Variants in CD163L1 observed in about 807,000 individuals in gnomAD.
CD163L1 encodes CD163 molecule like 1.
In CD163L1, 124 loss-of-function variants were observed where a neutral mutation model predicts 165.4. The ratio of observed to expected loss-of-function variants is 0.75; its 90% CI spans 0.65 to 0.87. The LOEUF is 0.87. CD163L1 is among the 40% of genes least tolerant of loss of function. CD163L1 has a pLI of 0.00. For missense variants in CD163L1, 1,525 were observed against 1,799.9 expected, an observed-to-expected ratio of 0.85 and a Z score of 2.76; for synonymous variants, 585 against 662.2, an observed-to-expected ratio of 0.88 and a Z score of 1.79.
downstream of CD163L1, among the ~76,000 whole-genome samples, chr12:7,345,390 C>G (rs749186130): frequency 1.5e-4 from 23 of 152,254 alleles, no homozygotes; most frequent in African/African-American, 5.3e-4. Context: ...CAGCCAAGCT[C>G]TTTGCTAAGG....
rs374448838 is a variant in CD163L1 at position 7,374,637 on chromosome 12, C to A, written c.3214G>T (p.Val1072Leu). The A allele has an allele frequency of 6.2e-7, 1 of 1,614,222 alleles. No individual in the cohort carries two copies. Among genetic ancestry groups the A allele is most frequent in the South Asian group, 1.1e-5 (1 of 91,086 alleles). Reference protein sequence around the residue: ...DDGWDLSDAHVVCQKLGCGVA... With the variant: ...DDGWDLSDAHLVCQKLGCGVA... ...CCACAGCCCAGCTTTTGACACACCA[C>A]GTGGGCATCGCTCAGGTCCCAGCCG... is the stretch of plus-strand genomic sequence containing the variant. The change falls in exon 13 of 20, where the codon GTG becomes TTG. Residue 1072 changes from valine to leucine, a missense_variant. Val to Leu is a conservative substitution (Grantham distance 32). Transcript: ENST00000313599. This position sits in a 1 kb window ranked among gnomAD's most constrained non-coding sequence, Gnocchi z 5.4.
chr12:7,401,738 C>G (rs1482530473), intron 6 of CD163L1, among the ~76,000 whole-genome samples: 1 of 151,852 alleles, frequency 6.6e-6, no homozygotes, highest in Non-Finnish European at 1.5e-5. Context: ...TACACACACA[C>G]AATCCAGAAA....
At chr12:7,363,593 A>C (rs1170501323) in intron 18 of CD163L1, among the ~76,000 whole-genome samples, 2 of 151,958 alleles carry the variant, frequency 1.3e-5, no homozygotes, top group African/African-American at 4.8e-5. Context: ...AAAGGTAGAC[A>C]TAACAATTGA....
chr12:7,361,458 G>A (rs779829796), intron 18 of CD163L1, among the ~76,000 whole-genome samples: 2 of 152,148 alleles, frequency 1.3e-5, no homozygotes, highest in Admixed American at 6.5e-5. Flanking sequence ...CATAACAGGG[G>A]TCATTCTTTC....
At position 7,374,637 on chromosome 12, in the gene CD163L1, C is replaced by T. The variant is rs374448838; in HGVS notation, c.3214G>A (p.Val1072Met). The T allele has an allele frequency of 1.2e-5, 20 of 1,614,104 alleles. No homozygotes were observed. Among genetic ancestry groups the T allele is most frequent in the Middle Eastern group, 1.6e-4 (1 of 6,084 alleles). Residue 1072 changes from valine (V) to methionine (M), a missense_variant, in exon 13 of 20, where the codon GTG (valine) becomes ATG (methionine). By Grantham distance (21) the Val-to-Met change is conservative. Transcript: ENST00000313599. This position sits in a 1 kb window ranked among gnomAD's most constrained non-coding sequence, Gnocchi z 5.4. The part of the protein sequence containing the change: ...DDGWDLSDAH[V>M]VCQKLGCGVA... ...CCACAGCCCAGCTTTTGACACACCA[C>T]GTGGGCATCGCTCAGGTCCCAGCCG...
chr12:7,319,476 A>C, the CD163L1 span, among the ~76,000 whole-genome samples: 1 of 151,850 alleles, frequency 6.6e-6, no homozygotes, highest in African/African-American at 2.4e-5. Context: ...CTGTAATCCC[A>C]GCTACTTGGG....
At chr12:7,390,561 A>G (rs1261434572) in intron 8 of CD163L1, among the ~76,000 whole-genome samples, 3 of 152,196 alleles carry the variant, frequency 2.0e-5, no homozygotes, top group African/African-American at 4.8e-5. Flanking sequence ...AACAACAGGT[A>G]AAATTCAAAT....
intron 18 of CD163L1, among the ~76,000 whole-genome samples, chr12:7,363,142 T>C (rs1946941583): frequency 6.6e-6 from 1 of 151,854 alleles, no homozygotes; most frequent in Non-Finnish European, 1.5e-5. Flanking sequence ...CCATGTCTAC[T>C]AAAAATACAA....
At position 7,372,059 on chromosome 12, in the gene CD163L1, A is replaced by C. The variant is rs1193273013; in HGVS notation, c.3730+1261T>G. On this transcript the variant is annotated intron_variant, in intron 14 of 19. Transcript: ENST00000313599. The surrounding 1 kb of genome is among the most constrained non-coding windows in gnomAD (Gnocchi z 4.2). Reference sequence around the variant, plus strand: ...GTGATACAATTACAATAGTAAAAAGAAGCAAAATGCTTAAAAATATGAACC... The same window carrying C: ...GTGATACAATTACAATAGTAAAAAGCAGCAAAATGCTTAAAAATATGAACC... Among the ~76,000 whole-genome samples, 1 of 150,586 alleles carries C rather than the reference A, an allele frequency of 6.6e-6. No homozygotes were observed. Among genetic ancestry groups the C allele is most frequent in the Non-Finnish European group, 1.5e-5 (1 of 67,930 alleles).
At chr12:7,357,131 G>A (rs767310669) in intron 19 of CD163L1, among the ~76,000 whole-genome samples, 1 of 152,192 alleles carries the variant, frequency 6.6e-6, no homozygotes, top group Non-Finnish European at 1.5e-5. Flanking sequence ...CTTCCTTAGT[G>A]ACAGACTATC....
Position 7,360,964 on chromosome 12 carries a change from C to CTTTGTTTTGT in CD163L1, c.4280-3488_4280-3479dup, listed in dbSNP as rs71450199. Among the ~76,000 whole-genome samples, 57 of 147,970 alleles carry CTTTGTTTTGT rather than the reference C, an allele frequency of 3.9e-4. 1 individual carries two copies. Among genetic ancestry groups the CTTTGTTTTGT allele is most frequent in the East Asian group, 3.0e-4 (1 of 3,358 alleles). On this transcript the variant is annotated intron_variant, in intron 18 of 19. Transcript: ENST00000313599. Reference sequence around the variant, plus strand: ...AAGTGGGTTTTTGGTTTTGGTTTTGCTTTGTTTTGTTTTGTTTTGTCTTGA... The same window carrying CTTTGTTTTGT: ...AAGTGGGTTTTTGGTTTTGGTTTTGCTTTGTTTTGTTTTGTTTTGTTTTGTTTTGTCTTGA...
chr12:7,390,690 C>T (rs1947636007), intron 8 of CD163L1, among the ~76,000 whole-genome samples: 1 of 152,084 alleles, frequency 6.6e-6, no homozygotes, highest in Non-Finnish European at 1.5e-5. Context: ...AAGTCTATAT[C>T]AGAGCTTAAT....
the CD163L1 span, among the ~76,000 whole-genome samples, chr12:7,336,041 C>G: frequency 2.1e-5 from 3 of 143,672 alleles, no homozygotes; most frequent in Admixed American, 7.2e-5. Flanking sequence ...GAAATAGGAA[C>G]ACTTTTACAC....
chr12:7,370,495 G>T, intron 14 of CD163L1, among the ~76,000 whole-genome samples: 1 of 152,118 alleles, frequency 6.6e-6, no homozygotes, highest in Non-Finnish European at 1.5e-5. Flanking sequence ...TTGGATTTTA[G>T]TTCCCGTAAT....
chr12:7,367,238 G>C lies in CD163L1; in HGVS notation c.4277C>G (p.Ser1426Ter). The change falls in exon 18 of 20, where the codon TCA becomes TGA. Residue 1426 changes from serine to a stop codon, truncating the protein, a stop_gained and splice_region_variant. Transcript: ENST00000313599. LOFTEE classifies it high-confidence loss of function. ...GCGGCCCCTGGAGTTGCACAGACCT[G>C]AGGTTCTTGTCCCATGTGGGTCCTC... ...KREDPHGTRT[S>*]DDTPNHGCED... 1 of 1,609,430 alleles carries C rather than the reference G, an allele frequency of 6.2e-7. No homozygotes were observed. The highest frequency in any genetic ancestry group is 8.5e-7 in the Non-Finnish European group (1 of 1,176,122).
At chr12:7,399,403 TTTCC>T (rs753633785) in intron 6 of CD163L1, among the ~76,000 whole-genome samples, 16 of 150,218 alleles carry the variant, frequency 1.1e-4, no homozygotes, top group Admixed American at 3.3e-4. Context: ...CTTTCTTTCT[TTTCC>T]TTCCTTCCTT....
At chr12:7,410,278 G>A (rs1285910777) in intron 4 of CD163L1, among the ~76,000 whole-genome samples, 2 of 152,124 alleles carry the variant, frequency 1.3e-5, no homozygotes, top group African/African-American at 2.4e-5. Flanking sequence ...AGAGTAAAAA[G>A]ATAGAGAATT....
Position 7,421,524 on chromosome 12 carries a change from C to CATATATACATATATGT in CD163L1, c.766+10891_766+10892insACATATATGTATATAT, listed in dbSNP as rs1555202425. 5.0e-3 allele frequency among the ~76,000 whole-genome samples: 551 copies of CATATATACATATATGT among 111,090 alleles called. 134 individuals are homozygous for CATATATACATATATGT. The highest frequency in any genetic ancestry group is 0.021 in the African/African-American group (522 of 24,532). 72.9% of individuals were successfully genotyped at this position (111,090 alleles called of 152,430 possible). ...GTACATATACATATACATATATGTA[C>CATATATACATATATGT]ATATATACATATACGTACACATATA... On this transcript the variant is annotated intron_variant, in intron 4 of 19. Transcript: ENST00000313599.
chr12:7,432,593 C>T lies in CD163L1; in HGVS notation c.589G>A (p.Gly197Arg). Residue 197 changes from glycine to arginine, a missense_variant, in exon 4 of 20, where the codon GGA becomes AGA. Physicochemically the swap from Gly to Arg is moderately radical, Grantham distance 125. Transcript: ENST00000313599. This position sits in a 1 kb window ranked among gnomAD's most constrained non-coding sequence, Gnocchi z 4.2. ...NTAAVVCRQL[G>R]CPSSFISSGV... ...GAAGAAATAAAAGAAGATGGACATC[C>T]TAGTTGCCTGCACACCACGGCAGCA... is the stretch of plus-strand genomic sequence containing the variant. 6.2e-7 allele frequency: 1 copy of T among 1,614,106 alleles called. No homozygotes were observed. Among genetic ancestry groups the T allele is most frequent in the Non-Finnish European group, 8.5e-7 (1 of 1,180,024 alleles).
Sources: gnomAD v4.1 joint callset for allele counts (sites outside exome capture counted in the v4.1 genomes callset) on GRCh38, gnomAD v4.1.1 for gene constraint, Gnocchi (gnomAD v3.1) non-coding constraint, MANE v1.5 for transcripts, NCBI Gene and HGNC (gene_info 2026-07-23, HGNC 2026-07-21) for gene names.